EBF1: variants seen among roughly 807,000 people sequenced by gnomAD.
EBF1 encodes EBF transcription factor 1.
Under a neutral mutation model 68.4 loss-of-function variants are expected in EBF1, and 10 were observed. The observed-to-expected ratio is 0.15, with a 90% CI of 0.09 to 0.25. EBF1 has a LOEUF of 0.25. EBF1 is among the 10% of genes least tolerant of loss of function. EBF1 has a pLI of 1.00. For synonymous variants in EBF1, 298 were observed against 299.8 expected, an observed-to-expected ratio of 0.99 and a Z score of 0.06; for missense variants, 509 against 794.4, an observed-to-expected ratio of 0.64 and a Z score of 4.32.
At chr5:159,076,022 A>G (rs1015760821) in intron 5 of EBF1, among the ~76,000 whole-genome samples, 17 of 147,722 alleles carry the variant, frequency 1.2e-4, no homozygotes, top group African/African-American at 4.1e-4. Context: ...AATCTAAATT[A>G]GGTTTTTCCT....
chr5:158,812,997 C>T (rs758972480), intron 8 of EBF1, among the ~76,000 whole-genome samples: 1 of 152,142 alleles, frequency 6.6e-6, no homozygotes, highest in African/African-American at 2.4e-5. Context: ...AAGAATGTTT[C>T]CCAGGGTCCT....
intron 6 of EBF1, among the ~76,000 whole-genome samples, chr5:158,874,512 C>A (rs1169071206): frequency 6.6e-6 from 1 of 152,128 alleles, no homozygotes; most frequent in Non-Finnish European, 1.5e-5. Context: ...CTACCGAAAC[C>A]AACCACGTGT....
intron 9 of EBF1, among the ~76,000 whole-genome samples, chr5:158,789,249 C>T (rs755400994): frequency 2.6e-5 from 4 of 152,098 alleles, no homozygotes; most frequent in Non-Finnish European, 4.4e-5. Flanking sequence ...TAAATCCACA[C>T]ATTTAATCAA....
intron 11 of EBF1, among the ~76,000 whole-genome samples, chr5:158,720,072 G>A (rs1235951820): frequency 2.6e-5 from 4 of 152,092 alleles, no homozygotes; most frequent in Non-Finnish European, 5.9e-5. Flanking sequence ...AAATATAGTG[G>A]CCAAATATCA....
chr5:158,922,807 G>C (rs74947309), intron 6 of EBF1, among the ~76,000 whole-genome samples: 8,053 of 152,288 alleles, frequency 0.053, 290 homozygotes, highest in Non-Finnish European at 0.071. Flanking sequence ...GCCTGAGCCA[G>C]ATTTCAGAGG....
intron 8 of EBF1, among the ~76,000 whole-genome samples, chr5:158,803,320 C>T (rs748877829): frequency 4.0e-5 from 6 of 150,802 alleles, no homozygotes; most frequent in Non-Finnish European, 7.4e-5. Context: ...ATATCTCTTC[C>T]TCCTGCTCGA....
At chr5:158,893,659 C>T (rs191893504) in intron 6 of EBF1, among the ~76,000 whole-genome samples, 3 of 152,042 alleles carry the variant, frequency 2.0e-5, no homozygotes, top group Admixed American at 6.6e-5. Context: ...AAAGGTTCCA[C>T]GAAGAGAAAG....
At chr5:159,061,119 A>ATT (rs1561916012) in intron 6 of EBF1, among the ~76,000 whole-genome samples, 3 of 151,746 alleles carry the variant, frequency 2.0e-5, no homozygotes, top group African/African-American at 7.3e-5. Flanking sequence ...GGTATTTCTT[A>ATT]ATTATTATTA....
Position 158,791,840 on chromosome 5 carries a change from T to C in EBF1, c.909+4505A>G, listed in dbSNP as rs188657777. 1.5e-3 allele frequency among the ~76,000 whole-genome samples: 230 copies of C among 152,242 alleles called. 1 individual carries two copies. The highest frequency in any genetic ancestry group is 5.2e-3 in the African/African-American group (217 of 41,548). On this transcript the variant is annotated intron_variant, in intron 9 of 15. Transcript: ENST00000313708. ...CTCTAATTTGCTGCATGGAAGCAAGTTGTCTTTCCAAATAAAACACCAGAT... is the reference window on the plus strand; with the variant it reads ...CTCTAATTTGCTGCATGGAAGCAAGCTGTCTTTCCAAATAAAACACCAGAT...
At chr5:159,057,547 A>C (rs1775004893) in intron 6 of EBF1, among the ~76,000 whole-genome samples, 2 of 152,178 alleles carry the variant, frequency 1.3e-5, no homozygotes, top group African/African-American at 4.8e-5. Context: ...GGCTGATTGC[A>C]CACAAGGTGA....
chr5:158,892,490 A>T (rs1356544461), intron 6 of EBF1, among the ~76,000 whole-genome samples: 3 of 152,128 alleles, frequency 2.0e-5, no homozygotes, highest in Admixed American at 6.6e-5. Flanking sequence ...AAAACCAAAG[A>T]TCTCAAATCC....
intron 6 of EBF1, among the ~76,000 whole-genome samples, chr5:158,908,089 T>G (rs748408925): frequency 6.6e-6 from 1 of 152,138 alleles, no homozygotes; most frequent in Non-Finnish European, 1.5e-5. Flanking sequence ...TGGCAACTGA[T>G]GAGCAAGGCA....
intron 9 of EBF1, among the ~76,000 whole-genome samples, chr5:158,792,718 G>T (rs902676413): frequency 4.6e-5 from 7 of 152,250 alleles, no homozygotes; most frequent in Non-Finnish European, 8.8e-5. Flanking sequence ...GGATGGACAG[G>T]GATCCAGCTC....
At chr5:158,852,559 C>T (rs1274986160) in intron 6 of EBF1, among the ~76,000 whole-genome samples, 9 of 152,166 alleles carry the variant, frequency 5.9e-5, no homozygotes, top group African/African-American at 2.2e-4. Context: ...AAATGACCAG[C>T]GAGCATCATG....
At chr5:158,865,116 C>T (rs898492731) in intron 6 of EBF1, among the ~76,000 whole-genome samples, 1 of 152,264 alleles carries the variant, frequency 6.6e-6, no homozygotes, top group Non-Finnish European at 1.5e-5. Flanking sequence ...CCTTCTCTTC[C>T]CAGGACTCTT....
intron 6 of EBF1, among the ~76,000 whole-genome samples, chr5:158,866,703 C>T (rs1795924687): frequency 1.3e-5 from 2 of 151,408 alleles, no homozygotes; most frequent in Admixed American, 6.6e-5. Flanking sequence ...GCAGCTTTGT[C>T]GCCGTTAACA....
intron 6 of EBF1, among the ~76,000 whole-genome samples, chr5:158,863,804 AC>A (rs1169285752): frequency 6.6e-6 from 1 of 152,132 alleles, no homozygotes; most frequent in African/African-American, 2.4e-5. Flanking sequence ...TATAACTCAA[AC>A]CTTTTTCTTT....
At chr5:158,741,487 A>T (rs898507250) in intron 10 of EBF1, among the ~76,000 whole-genome samples, 4 of 151,970 alleles carry the variant, frequency 2.6e-5, no homozygotes, top group Non-Finnish European at 4.4e-5. Context: ...AAGTGGGAGA[A>T]CAGCTTGAGC....
intron 10 of EBF1, among the ~76,000 whole-genome samples, chr5:158,744,286 G>A (rs1027892072): frequency 9.9e-5 from 15 of 151,968 alleles, no homozygotes; most frequent in Admixed American, 2.0e-4. Flanking sequence ...ACACAAGCAG[G>A]TAAGGAATGG....
Sources: gnomAD v4.1 joint callset for allele counts (sites outside exome capture counted in the v4.1 genomes callset) on GRCh38, gnomAD v4.1.1 for gene constraint, MANE v1.5 for transcripts, NCBI Gene and HGNC (gene_info 2026-07-23, HGNC 2026-07-21) for gene names.